NFIB: variants seen among roughly 807,000 people sequenced by gnomAD.
The protein encoded by NFIB is nuclear factor 1 B-type.
NFIB carries 11 observed loss-of-function variants against 61.5 expected under a neutral mutation model. That is an observed-to-expected ratio of 0.18 (90% confidence interval 0.11 to 0.30). The LOEUF (loss-of-function observed/expected upper bound fraction) is 0.30. Among genes scored for constraint, NFIB ranks in the 10% least tolerant of loss-of-function variants. The pLI is 1.00. For missense variants in NFIB, 471 were observed against 608.9 expected, an observed-to-expected ratio of 0.77 and a Z score of 2.38; for synonymous variants, 260 against 216.5, an observed-to-expected ratio of 1.20 and a Z score of -1.76.
At chr9:14,376,371 A>G (rs2061419783) in intron 1 of NFIB, among the ~76,000 whole-genome samples, 1 of 152,248 alleles carries the variant, frequency 6.6e-6, no homozygotes, top group South Asian at 2.1e-4. Flanking sequence ...AGGAAGAAAT[A>G]GTAAAGAGTA....
At chr9:14,277,740 C>A (rs1316640199) in intron 2 of NFIB, among the ~76,000 whole-genome samples, 1 of 152,172 alleles carries the variant, frequency 6.6e-6, no homozygotes, top group African/African-American at 2.4e-5. Context: ...TACATTTAAG[C>A]TGGAACTTGA....
rs1336146406 is a variant in NFIB at position 14,120,169 on chromosome 9, T to C, written c.1245+271A>G. Among the ~76,000 whole-genome samples, 4 of 152,228 alleles carry C rather than the reference T, an allele frequency of 2.6e-5. No individual in the cohort carries two copies. The highest frequency in any genetic ancestry group is 7.2e-5 in the African/African-American group (3 of 41,454). Reference sequence around the variant, plus strand: ...CTCCAGCCCAGAGCTTTCCTGTCAATGTACTTTCTGCATAAACTTTCCCTT... The same window carrying C: ...CTCCAGCCCAGAGCTTTCCTGTCAACGTACTTTCTGCATAAACTTTCCCTT... On this transcript the variant is annotated intron_variant, in intron 8 of 10. Transcript: ENST00000380953. This position sits in a 1 kb window ranked among gnomAD's most constrained non-coding sequence, Gnocchi z 4.4.
At chr9:14,472,309 G>A in the NFIB span, among the ~76,000 whole-genome samples, 2 of 152,202 alleles carry the variant, frequency 1.3e-5, no homozygotes, top group Admixed American at 6.5e-5. Flanking sequence ...ACGACCTCTA[G>A]CCTGGTGCTA....
At position 14,373,378 on chromosome 9, in the gene NFIB, TC is replaced by T. The variant is rs781249960; in HGVS notation, c.108+25145del. ...TGCCAGCAGTGTCTGCTTAGGAATA[TC>T]TTTTGTCTTATAGCCTGTTGTAATC... On this transcript the variant is annotated intron_variant, in intron 1 of 8. Coordinates refer to the NFIB transcript ENST00000380934. Among the ~76,000 whole-genome samples the T allele has an allele frequency of 1.2e-3, 187 of 152,332 alleles. 5 individuals carry two copies. Among genetic ancestry groups the T allele is most frequent in the Non-Finnish European group, 1.3e-3 (87 of 68,034 alleles).
chr9:14,467,544 G>T, the NFIB span, among the ~76,000 whole-genome samples: 1 of 152,042 alleles, frequency 6.6e-6, no homozygotes, highest in Non-Finnish European at 1.5e-5. Context: ...CTTTGTCCTG[G>T]TGCTATAGGG....
In NFIB at chr9:14,082,610, CTG is replaced by C. The variant is rs1015843057; in HGVS notation, c.*5697_*5698del. The C allele has an allele frequency of 2.4e-4, 50 of 205,730 alleles. No individual in the cohort carries two copies. Among genetic ancestry groups the C allele is most frequent in the Admixed American group, 1.3e-3 (22 of 16,752 alleles). The allele number at this position is 205,730 out of a possible 1,614,324, so 12.7% of individuals were successfully genotyped here. A position where few individuals can be genotyped will look rare whatever the true frequency, so the allele number is the denominator to read the frequency against. The stretch of plus-strand genomic sequence containing the variant: ...TATTTACAACTGAACTCAACAGAGA[CTG>C]TGAAATTGAACAGGCACTGCTCATT... On this transcript the variant is annotated 3_prime_UTR_variant, in exon 11 of 11. Coordinates refer to ENST00000380953, the MANE Select transcript of NFIB (RefSeq NM_001190737.2).
chr9:14,393,660 T>G (rs1486408489), intron 1 of NFIB, among the ~76,000 whole-genome samples: 2 of 152,130 alleles, frequency 1.3e-5, no homozygotes, highest in Non-Finnish European at 2.9e-5. Context: ...ACTCAAGCAC[T>G]CAAATGAGCT....
intron 1 of NFIB, among the ~76,000 whole-genome samples, chr9:14,354,250 A>G (rs949671538): frequency 1.3e-5 from 2 of 152,204 alleles, no homozygotes; most frequent in Non-Finnish European, 2.9e-5. Flanking sequence ...TTAAAAATAA[A>G]AAAATAGCTC....
intron 10 of NFIB, chr9:14,094,456 G>C (rs2034463326): frequency 6.6e-6 from 1 of 152,080 alleles, no homozygotes; most frequent in Admixed American, 6.6e-5. Context: ...CTTCAGATGA[G>C]GCTAGCCTGG....
the NFIB span, among the ~76,000 whole-genome samples, chr9:14,447,649 A>G: frequency 6.6e-6 from 1 of 152,142 alleles, no homozygotes; most frequent in Admixed American, 6.5e-5. Flanking sequence ...TCTGGTTGAG[A>G]GTGGGAGTGA....
chr9:14,487,238 T>C, the NFIB span, among the ~76,000 whole-genome samples: 328 of 152,342 alleles, frequency 2.2e-3, 2 homozygotes, highest in Non-Finnish European at 3.0e-3. Context: ...TGCAGAGCCA[T>C]AGATTTAAGA....
At chr9:14,290,505 G>A (rs950778468) in intron 2 of NFIB, among the ~76,000 whole-genome samples, 2 of 151,994 alleles carry the variant, frequency 1.3e-5, no homozygotes, top group African/African-American at 4.8e-5. Flanking sequence ...CAGAGCTCAG[G>A]AAACTGAATC....
At chr9:14,261,024 G>C (rs183683022) in intron 2 of NFIB, among the ~76,000 whole-genome samples, 2 of 152,144 alleles carry the variant, frequency 1.3e-5, no homozygotes, top group African/African-American at 4.8e-5. Context: ...CAGCATTTAA[G>C]ACTGAAAAGG....
chr9:14,285,143 G>C (rs909434288), intron 2 of NFIB, among the ~76,000 whole-genome samples: 8 of 152,138 alleles, frequency 5.3e-5, no homozygotes, highest in Non-Finnish European at 8.8e-5. Context: ...CTTTTCTTGA[G>C]ACAGAGTCTT....
the NFIB span, among the ~76,000 whole-genome samples, chr9:14,414,588 T>G: frequency 6.6e-6 from 1 of 150,756 alleles, no homozygotes; most frequent in South Asian, 2.1e-4. Context: ...TTCAGCTTCC[T>G]TGTCTGTAAA....
intron 2 of NFIB, among the ~76,000 whole-genome samples, chr9:14,183,596 G>T (rs1587399192): frequency 6.6e-6 from 1 of 151,804 alleles, no homozygotes; most frequent in Non-Finnish European, 1.5e-5. Flanking sequence ...GTAGAGACGG[G>T]GTTTCACCAT....
At chr9:14,368,804 C>T (rs1014748996) in intron 1 of NFIB, among the ~76,000 whole-genome samples, 1 of 152,140 alleles carries the variant, frequency 6.6e-6, no homozygotes, top group Non-Finnish European at 1.5e-5. Context: ...TTTAGTTTGA[C>T]AAAGGAAAGG....
chr9:14,264,775 G>A (rs560690557), intron 2 of NFIB, among the ~76,000 whole-genome samples: 25 of 152,254 alleles, frequency 1.6e-4, no homozygotes, highest in African/African-American at 2.6e-4. Context: ...ATCAGAGAAC[G>A]TTAAAGCCAA....
At chr9:14,393,842 T>C (rs762059735) in intron 1 of NFIB, among the ~76,000 whole-genome samples, 55 of 152,266 alleles carry the variant, frequency 3.6e-4, no homozygotes, top group Admixed American at 1.3e-4. Flanking sequence ...ATAATTCTTC[T>C]GGTTTGTTTA....
Sources: allele counts gnomAD v4.1 joint callset (sites outside exome capture counted in the v4.1 genomes callset), GRCh38; gene constraint gnomAD v4.1.1; non-coding constraint Gnocchi (gnomAD v3.1); transcripts MANE v1.5; gene names NCBI Gene and HGNC (gene_info 2026-07-23, HGNC 2026-07-21).